The following SLC9B1 variants were observed in gnomAD, a reference collection of about 807,000 sequenced individuals.
SLC9B1 encodes the protein sodium/hydrogen exchanger 9B1.
SLC9B1 carries 32 observed loss-of-function variants against 51.7 expected under a neutral mutation model. That is an observed-to-expected ratio of 0.62 (90% confidence interval 0.47 to 0.83). The LOEUF (loss-of-function observed/expected upper bound fraction) is 0.83, where lower values mean the gene tolerates loss of function less well. SLC9B1 is among the 40% of genes least tolerant of loss of function. SLC9B1 has a pLI of 0.00. For synonymous variants in SLC9B1, 145 were observed against 212.7 expected (o/e 0.68, Z 2.77); for missense variants, 406 against 613.2 (o/e 0.66, Z 3.57).
intron 7 of SLC9B1, among the ~76,000 whole-genome samples, chr4:102,923,198 A>T (rs2110446693): frequency 1.3e-5 from 2 of 152,338 alleles, no homozygotes; most frequent in East Asian, 3.9e-4. Context: ...GCAGCACATC[A>T]AAAAGCTTAT....
chr4:102,911,311 A>T, intron 8 of SLC9B1, 120 bp downstream of exon 8: 1 of 667,792 alleles, frequency 1.5e-6, no homozygotes, highest in Non-Finnish European at 2.5e-6. Context: ...CAGAGTAGGC[A>T]TTGGAGGCTA....
intron 7 of SLC9B1, among the ~76,000 whole-genome samples, chr4:102,930,043 A>C (rs1252818881): frequency 1.3e-5 from 2 of 152,248 alleles, no homozygotes; most frequent in African/African-American, 4.8e-5. Flanking sequence ...TGACAAATCA[A>C]AAAGAACAAA....
intron 3 of SLC9B1, among the ~76,000 whole-genome samples, chr4:102,961,469 T>C (rs1738119247): frequency 2.0e-5 from 3 of 152,294 alleles, no homozygotes; most frequent in African/African-American, 2.4e-5. Flanking sequence ...ACTTTGTGCA[T>C]TCTGCTATTT....
At position 102,976,084 on chromosome 4, in the gene SLC9B1, A is replaced by C. The variant is rs569793908; in HGVS notation, c.211+13716T>G. ...AGAAGAAAACCAGTTGGTGCCTCAG[A>C]ATTAGAAAAAAAAGACAAGTGTTTC... On this transcript the variant is annotated intron_variant, in intron 3 of 11. Coordinates refer to ENST00000296422, the MANE Select transcript of SLC9B1 (RefSeq NM_139173.4). Among the ~76,000 whole-genome samples the C allele has an allele frequency of 6.5e-4, 99 of 152,298 alleles. 1 individual carries two copies. Among genetic ancestry groups the C allele is most frequent in the Middle Eastern group, 3.4e-3 (1 of 294 alleles).
At chr4:102,933,669 T>C (rs1337462567) in intron 6 of SLC9B1, among the ~76,000 whole-genome samples, 1 of 152,172 alleles carries the variant, frequency 6.6e-6, no homozygotes, top group African/African-American at 2.4e-5. Context: ...CTTCAGTTTT[T>C]TCCAATGGGG....
chr4:102,945,030 A>G (rs547721974), intron 6 of SLC9B1, among the ~76,000 whole-genome samples, 163 bp downstream of exon 6: 17 of 152,302 alleles, frequency 1.1e-4, no homozygotes, highest in African/African-American at 3.6e-4. Context: ...ATTTCGTACA[A>G]TTTGGGACAT....
chr4:102,938,176 A>G (rs1415139142), intron 6 of SLC9B1, among the ~76,000 whole-genome samples: 1 of 152,220 alleles, frequency 6.6e-6, no homozygotes, highest in Non-Finnish European at 1.5e-5. Context: ...AAAGGATGGA[A>G]AAAAATCTAG....
At chr4:102,950,602 C>T (rs781436157) in intron 3 of SLC9B1, among the ~76,000 whole-genome samples, 3 of 152,190 alleles carry the variant, frequency 2.0e-5, no homozygotes, top group Non-Finnish European at 4.4e-5. Flanking sequence ...TTGACTCACT[C>T]CAGGCAGAAA....
At chr4:102,937,803 A>C (rs1736799474) in intron 6 of SLC9B1, among the ~76,000 whole-genome samples, 1 of 151,910 alleles carries the variant, frequency 6.6e-6, no homozygotes, top group Non-Finnish European at 1.5e-5. Flanking sequence ...GAGAAGTAAG[A>C]TCCTTTTCAG....
intron 10 of SLC9B1, chr4:102,906,213 T>C (rs1243358661): frequency 1.2e-5 from 2 of 167,684 alleles, no homozygotes; most frequent in South Asian, 3.3e-4. Context: ...ATTACAGACA[T>C]GAGCCACCAC....
At chr4:102,930,563 C>T (rs1342224005) in intron 7 of SLC9B1, among the ~76,000 whole-genome samples, 2 of 152,120 alleles carry the variant, frequency 1.3e-5, no homozygotes, top group Non-Finnish European at 2.9e-5. Flanking sequence ...CACCACCATG[C>T]CTGGCTAAGT....
chr4:102,950,361 T>C (rs542467631), intron 3 of SLC9B1, among the ~76,000 whole-genome samples: 141 of 152,318 alleles, frequency 9.3e-4, no homozygotes, highest in Admixed American at 1.6e-3. Context: ...TATAAGTTAC[T>C]AGACATCTTG....
chr4:102,942,129 C>T (rs777985353), intron 6 of SLC9B1, among the ~76,000 whole-genome samples: 1 of 152,082 alleles, frequency 6.6e-6, no homozygotes, highest in Non-Finnish European at 1.5e-5. Flanking sequence ...AGCAAACGAA[C>T]TTAGGAATAT....
intron 9 of SLC9B1, among the ~76,000 whole-genome samples, chr4:102,906,996 T>G (rs1348917447): frequency 6.6e-6 from 1 of 152,196 alleles, no homozygotes; most frequent in Non-Finnish European, 1.5e-5. Context: ...GCACTGGCAT[T>G]ATAGGCATGA....
intron 7 of SLC9B1, among the ~76,000 whole-genome samples, chr4:102,926,882 G>A (rs561670558): frequency 2.0e-5 from 3 of 152,106 alleles, no homozygotes; most frequent in Non-Finnish European, 4.4e-5. Context: ...AAACAGCATG[G>A]TACTGGTACC....
intron 3 of SLC9B1, among the ~76,000 whole-genome samples, chr4:102,954,034 A>T (rs1737650928): frequency 2.2e-5 from 1 of 45,366 alleles, no homozygotes; most frequent in East Asian, 5.7e-4. Flanking sequence ...GAGAGAGGGC[A>T]TCCCTGTCTT....
At chr4:102,950,907 A>G (rs763275219) in intron 3 of SLC9B1, among the ~76,000 whole-genome samples, 2 of 152,216 alleles carry the variant, frequency 1.3e-5, no homozygotes, top group Admixed American at 6.5e-5. Flanking sequence ...AGGTAGGAGA[A>G]TTGCTTAAAC....
chr4:103,017,545 A>G (rs545536302), intron 1 of SLC9B1, among the ~76,000 whole-genome samples: 63 of 152,304 alleles, frequency 4.1e-4, no homozygotes, highest in African/African-American at 1.3e-3. Flanking sequence ...ATGTTCCTGG[A>G]AGGAGCCAAG....
chr4:102,939,837 T>C (rs1736904724), intron 6 of SLC9B1, among the ~76,000 whole-genome samples: 1 of 152,188 alleles, frequency 6.6e-6, no homozygotes, highest in African/African-American at 2.4e-5. Flanking sequence ...ACAAATGAGT[T>C]ACTGAAGGAG....
Sources: allele counts gnomAD v4.1 joint callset (sites outside exome capture counted in the v4.1 genomes callset), GRCh38; gene constraint gnomAD v4.1.1; transcripts MANE v1.5; gene names NCBI Gene and HGNC (gene_info 2026-07-23, HGNC 2026-07-21).